Variants in FAM81A observed in about 807,000 individuals in gnomAD.
FAM81A encodes the protein protein FAM81A.
Under a neutral mutation model 46.7 loss-of-function variants are expected in FAM81A, and 19 were observed. The observed-to-expected ratio is 0.41, with a 90% CI of 0.28 to 0.60. The LOEUF is 0.60. Ranked by LOEUF, FAM81A falls within the 20% of genes least tolerant of loss-of-function variation. FAM81A has a pLI of 0.34. For missense variants in FAM81A, 377 were observed against 453.5 expected, an observed-to-expected ratio of 0.83 and a Z score of 1.53; for synonymous variants, 183 against 152.9, an observed-to-expected ratio of 1.20 and a Z score of -1.45.
At position 59,507,251 on chromosome 15, in the gene FAM81A, A is replaced by G. The variant is rs1271975363; in HGVS notation, c.452A>G (p.Lys151Arg). ...ATAGCTAGACTTTCTGCAGAGCACA[A>G]AACGACCTATGAGGGGCTCCAGCAC... ...ASIARLSAEH[K>R]TTYEGLQHLN... Residue 151 changes from lysine to arginine, a missense_variant, in exon 5 of 9, where the codon AAA (lysine) becomes AGA (arginine). Lys to Arg is a conservative substitution (Grantham distance 26). Transcript: ENST00000288228. 7 of 1,611,794 alleles carry G rather than the reference A, an allele frequency of 4.3e-6. No homozygotes were observed. Among genetic ancestry groups the G allele is most frequent in the African/African-American group, 4.0e-5 (3 of 74,918 alleles).
chr15:59,472,451 A>G (rs1474352085), intron 3 of FAM81A, among the ~76,000 whole-genome samples: 2 of 152,152 alleles, frequency 1.3e-5, no homozygotes, highest in Admixed American at 6.5e-5. Context: ...CCTGCGGGAT[A>G]CTGGCTAGTA....
At chr15:59,479,911 C>T (rs1767591296) in intron 3 of FAM81A, among the ~76,000 whole-genome samples, 1 of 152,144 alleles carries the variant, frequency 6.6e-6, no homozygotes, top group South Asian at 2.1e-4. Context: ...AAGCCCTTGT[C>T]CTTGTGGATA....
chr15:59,500,561 C>G (rs1003649213), intron 4 of FAM81A, among the ~76,000 whole-genome samples: 3 of 152,086 alleles, frequency 2.0e-5, no homozygotes, highest in African/African-American at 7.2e-5. Context: ...CTCAGCCTCC[C>G]GAGTTGCTGG....
At chr15:59,468,317 G>A (rs1041047266) in intron 3 of FAM81A, among the ~76,000 whole-genome samples, 19 of 152,094 alleles carry the variant, frequency 1.2e-4, no homozygotes, top group Admixed American at 1.0e-3. Flanking sequence ...GGTAGAATTC[G>A]GCTGTGAATC....
rs541565643 is a variant in FAM81A at position 59,405,545 on chromosome 15, G to A, written c.-78+3187G>A. On this transcript the variant is annotated intron_variant, in intron 2 of 4. Coordinates refer to the FAM81A transcript ENST00000558348. ...AATCCCAGCTACTTGGGAGGCTGAT[G>A]GGGGAGGATCGCTTGAACCCTGGAG... Among the ~76,000 whole-genome samples, 40 of 152,260 alleles carry A rather than the reference G, an allele frequency of 2.6e-4. No individual in the cohort carries two copies. The South Asian group carries it at 5.4e-3, about 21-fold the overall frequency.
intron 2 of FAM81A, among the ~76,000 whole-genome samples, chr15:59,403,887 C>CTTTT (rs11387570): frequency 7.1e-6 from 1 of 140,088 alleles, no homozygotes; most frequent in Admixed American, 7.2e-5. Context: ...CTTTTCTTTT[C>CTTTT]TTTTTTTTTT....
chr15:59,488,078 A>G (rs904216017), intron 3 of FAM81A, among the ~76,000 whole-genome samples: 6 of 152,250 alleles, frequency 3.9e-5, no homozygotes, highest in Non-Finnish European at 5.9e-5. Context: ...CATCATTAAC[A>G]AGTGGGATTC....
intron 1 of FAM81A, among the ~76,000 whole-genome samples, chr15:59,444,492 G>A (rs547725853): frequency 3.0e-4 from 45 of 152,302 alleles, no homozygotes; most frequent in African/African-American, 5.3e-4. Context: ...AACTAACATA[G>A]CATATTAAAA....
intron 6 of FAM81A, among the ~76,000 whole-genome samples, chr15:59,511,519 G>A (rs1458585115): frequency 6.6e-6 from 1 of 152,224 alleles, no homozygotes; most frequent in African/African-American, 2.4e-5. Context: ...AGTAAAATGT[G>A]AAGTAGTACA....
intron 2 of FAM81A, among the ~76,000 whole-genome samples, chr15:59,409,518 C>T (rs1199827985): frequency 1.3e-5 from 2 of 152,116 alleles, no homozygotes; most frequent in African/African-American, 4.8e-5. Flanking sequence ...GAGGTAGTGC[C>T]CAGACTCCTT....
In FAM81A at chr15:59,483,521, G is replaced by A. The variant is rs370758331; in HGVS notation, c.295-8750G>A. 7.2e-5 allele frequency among the ~76,000 whole-genome samples: 11 copies of A among 152,054 alleles called. No individual in the cohort carries two copies. The South Asian group carries it at 1.5e-3, about 20-fold the overall frequency. ...GAAAAGAAAATAGAGTTAAGAAGAG[G>A]GAGCACAAAAACAAATTATGTAAGC... On this transcript the variant is annotated intron_variant, in intron 3 of 8. Coordinates refer to ENST00000288228, the MANE Select transcript of FAM81A (RefSeq NM_152450.3).
At chr15:59,494,278 G>C (rs1313785237) in intron 4 of FAM81A, among the ~76,000 whole-genome samples, 1 of 152,196 alleles carries the variant, frequency 6.6e-6, no homozygotes, top group Non-Finnish European at 1.5e-5. Flanking sequence ...GAACTTGCGA[G>C]CTATAGGACA....
chr15:59,418,308 C>T (rs188320860), intron 2 of FAM81A, among the ~76,000 whole-genome samples: 110 of 152,280 alleles, frequency 7.2e-4, no homozygotes, highest in Non-Finnish European at 1.2e-3. Flanking sequence ...AGAAAAGCTA[C>T]CTTACGTGGA....
chr15:59,418,844 A>T (rs2081158274), intron 2 of FAM81A, among the ~76,000 whole-genome samples: 1 of 152,144 alleles, frequency 6.6e-6, no homozygotes. Flanking sequence ...TCCTCACAGA[A>T]CTGCTGTGAG....
chr15:59,430,321 G>T (rs1228531325), intron 2 of FAM81A, among the ~76,000 whole-genome samples: 2 of 133,862 alleles, frequency 1.5e-5, no homozygotes, highest in African/African-American at 5.7e-5. Flanking sequence ...CTGGAGTGCA[G>T]TGGTACAATC....
intron 3 of FAM81A, among the ~76,000 whole-genome samples, chr15:59,488,453 C>T (rs1315905072): frequency 6.6e-6 from 1 of 152,012 alleles, no homozygotes; most frequent in Non-Finnish European, 1.5e-5. Flanking sequence ...GAAAGGGCAT[C>T]CAAATTGGAA....
intron 2 of FAM81A, among the ~76,000 whole-genome samples, chr15:59,405,261 G>A (rs1335531973): frequency 2.0e-5 from 3 of 152,202 alleles, no homozygotes; most frequent in African/African-American, 7.2e-5. Context: ...GGTAATGTAT[G>A]TGGGATGAAT....
At chr15:59,433,834 C>T (rs543762690), upstream of FAM81A, among the ~76,000 whole-genome samples, 6 of 152,232 alleles carry the variant, frequency 3.9e-5, no homozygotes, top group East Asian at 5.8e-4. Context: ...TTCTCTTATT[C>T]GGTGAAACAT....
intron 2 of FAM81A, among the ~76,000 whole-genome samples, chr15:59,412,537 G>A (rs2141540563): frequency 6.6e-6 from 1 of 152,152 alleles, no homozygotes; most frequent in East Asian, 1.9e-4. Context: ...ATTAGCCTCG[G>A]CAACATGGCG....
Sources: gnomAD v4.1 joint callset for allele counts (sites outside exome capture counted in the v4.1 genomes callset) on GRCh38, gnomAD v4.1.1 for gene constraint, MANE v1.5 for transcripts, NCBI Gene and HGNC (gene_info 2026-07-23, HGNC 2026-07-21) for gene names.